Variants in FRMD4B observed in about 807,000 individuals in gnomAD.
FRMD4B encodes the protein FERM domain-containing protein 4B.
A neutral mutation model predicts 141.5 loss-of-function variants in FRMD4B; 74 were observed. That is an observed-to-expected ratio of 0.52 (90% CI 0.43 to 0.63). The LOEUF (loss-of-function observed/expected upper bound fraction) is 0.63. Ranked by LOEUF, FRMD4B falls within the 30% of genes least tolerant of loss-of-function variation. The pLI is 0.00. For synonymous variants in FRMD4B, 506 were observed against 467.9 expected, an observed-to-expected ratio of 1.08 and a Z score of -1.05; for missense variants, 1,366 against 1,253.4, an observed-to-expected ratio of 1.09 and a Z score of -1.36.
At chr3:69,479,808 A>G (rs1287696134) in intron 1 of FRMD4B, among the ~76,000 whole-genome samples, 6 of 152,220 alleles carry the variant, frequency 3.9e-5, no homozygotes, top group East Asian at 3.8e-4. Flanking sequence ...TTGTTTTCCA[A>G]CTTGGTTCCA....
chr3:69,372,089 G>C (rs1703841780), intron 1 of FRMD4B, among the ~76,000 whole-genome samples: 1 of 152,126 alleles, frequency 6.6e-6, no homozygotes, highest in Admixed American at 6.5e-5. Context: ...AACATCCTAA[G>C]GTCTTTCCTG....
intron 1 of FRMD4B, among the ~76,000 whole-genome samples, chr3:69,481,682 C>T (rs771030932): frequency 7.2e-5 from 11 of 152,062 alleles, no homozygotes; most frequent in Admixed American, 1.3e-4. Context: ...GAAAACTTGG[C>T]CATGGCAACT....
chr3:69,366,139 A>C (rs928524337), intron 1 of FRMD4B, among the ~76,000 whole-genome samples: 1 of 151,370 alleles, frequency 6.6e-6, no homozygotes, highest in Non-Finnish European at 1.5e-5. Context: ...ACAGGCTTGT[A>C]ATCCCGGCTA....
Position 69,521,186 on chromosome 3 carries a change from C to A in FRMD4B, c.-129+21020G>T, listed in dbSNP as rs752180130. The stretch of plus-strand genomic sequence containing the variant: ...CAGGGCTGCTGTCCCTCCCACACAG[C>A]AGATGTGCACCCACTATGGGGGTCT... On this transcript the variant is annotated intron_variant, in intron 1 of 5. Transcript: ENST00000459638. Among the ~76,000 whole-genome samples the A allele has an allele frequency of 3.3e-5, 5 of 151,298 alleles. No homozygotes were observed. In the South Asian group the frequency reaches 6.2e-4, roughly 19 times the overall value.
At chr3:69,510,244 A>G (rs1706667645) in intron 1 of FRMD4B, among the ~76,000 whole-genome samples, 1 of 152,162 alleles carries the variant, frequency 6.6e-6, no homozygotes, top group Non-Finnish European at 1.5e-5. Flanking sequence ...CTCAAACTCC[A>G]CAAAAAATTA....
rs531554453 is a variant in FRMD4B, at chr3:69,474,899, C to T, written c.-128-42138G>A. The stretch of plus-strand genomic sequence containing the variant: ...GGGGAAAGAGAGGATGCTAGGAAAG[C>T]CTATAGACAGAGCAATTCATGTGGT... On this transcript the variant is annotated intron_variant, in intron 1 of 5. Transcript: ENST00000459638. Among the ~76,000 whole-genome samples the T allele has an allele frequency of 8.5e-5, 13 of 152,236 alleles. No homozygotes were observed. In the South Asian group the frequency reaches 2.5e-3, roughly 29 times the overall value.
At chr3:69,254,603 C>G (rs2093481874) in intron 5 of FRMD4B, among the ~76,000 whole-genome samples, 1 of 152,140 alleles carries the variant, frequency 6.6e-6, no homozygotes, top group Admixed American at 6.5e-5. Context: ...CTTCATGAGC[C>G]TCCTGATCAT....
At chr3:69,209,143 C>CAAAAAA (rs372843775) in intron 11 of FRMD4B, among the ~76,000 whole-genome samples, 1 of 108,776 alleles carries the variant, frequency 9.2e-6, no homozygotes, top group Non-Finnish European at 2.0e-5. Context: ...GAATCCATCT[C>CAAAAAA]AAAAAAAAAA....
At chr3:69,472,369 C>T (rs984711677) in intron 1 of FRMD4B, 1 of 493,330 alleles carries the variant, frequency 2.0e-6, no homozygotes, top group Non-Finnish European at 4.1e-6. Flanking sequence ...ACATCTTCAA[C>T]ATCTCCACCC....
At chr3:69,421,217 A>C (rs1177348181) in intron 2 of FRMD4B, among the ~76,000 whole-genome samples, 2 of 152,200 alleles carry the variant, frequency 1.3e-5, no homozygotes, top group Admixed American at 1.3e-4. Flanking sequence ...TCTCTGGGAG[A>C]CAGTATACCA....
chr3:69,210,278 T>C (rs2093062610), intron 11 of FRMD4B, among the ~76,000 whole-genome samples: 1 of 152,252 alleles, frequency 6.6e-6, no homozygotes, highest in South Asian at 2.1e-4. Flanking sequence ...GGGGAAGTAT[T>C]TGCCGAAGGG....
chr3:69,300,081 A>G lies in FRMD4B; in HGVS notation c.416+2262T>C, dbSNP rs866893314. Among the ~76,000 whole-genome samples the G allele has an allele frequency of 9.1e-4, 139 of 152,256 alleles. 1 individual carries two copies. Among genetic ancestry groups the G allele is most frequent in the African/African-American group, 3.2e-3 (131 of 41,542 alleles). On this transcript the variant is annotated intron_variant, in intron 4 of 22. Coordinates refer to ENST00000398540, the MANE Select transcript of FRMD4B (RefSeq NM_015123.3). ...TTACCAATAGTTCTGTTTTCTCCAA[A>G]TAGGAGGCTAGAGACCCTCTGAGGA...
At chr3:69,239,251 T>C (rs1220620867) in intron 7 of FRMD4B, among the ~76,000 whole-genome samples, 1 of 152,214 alleles carries the variant, frequency 6.6e-6, no homozygotes, top group African/African-American at 2.4e-5. Flanking sequence ...CTACCAAAGA[T>C]GCATCCTGTA....
chr3:69,408,369 T>C (rs974824294), intron 2 of FRMD4B, among the ~76,000 whole-genome samples: 1 of 152,178 alleles, frequency 6.6e-6, no homozygotes, highest in Non-Finnish European at 1.5e-5. Context: ...CTATCAAGTG[T>C]GGTTCAAGAG....
intron 1 of FRMD4B, among the ~76,000 whole-genome samples, chr3:69,442,761 C>A (rs915880498): frequency 3.1e-4 from 47 of 152,134 alleles, no homozygotes; most frequent in African/African-American, 1.1e-3. Context: ...GCCCTGACAA[C>A]CAGACCTGCT....
chr3:69,200,615 T>A, intron 11 of FRMD4B: 1 of 1,206,100 alleles, frequency 8.3e-7, no homozygotes, highest in African/African-American at 1.6e-5. Flanking sequence ...GACACCTCCC[T>A]AATTCTACTC....
intron 17 of FRMD4B, among the ~76,000 whole-genome samples, chr3:69,191,450 AC>A (rs1405024508): frequency 3.9e-5 from 6 of 152,110 alleles, no homozygotes; most frequent in Admixed American, 6.5e-5. Flanking sequence ...AAACAAAAAA[AC>A]AAACGTATTC....
chr3:69,206,786 T>A (rs963390264), intron 11 of FRMD4B, among the ~76,000 whole-genome samples: 1 of 152,202 alleles, frequency 6.6e-6, no homozygotes, highest in African/African-American at 2.4e-5. Flanking sequence ...TGTGGCTTTT[T>A]CCTTAAATGA....
rs181351559 is a variant in FRMD4B, at chr3:69,396,498, C to G, written c.-1+36136G>C. ...TTAGCCTGGGTGACAGAGTGAGACTCTGTCTCATAAAAAAAAAAAAGAATT... is the reference window on the plus strand; with the variant it reads ...TTAGCCTGGGTGACAGAGTGAGACTGTGTCTCATAAAAAAAAAAAAGAATT... On this transcript the variant is annotated intron_variant, in intron 2 of 5. Transcript: ENST00000459638. Among the ~76,000 whole-genome samples the G allele has an allele frequency of 1.4e-3, 213 of 150,158 alleles. 5 individuals carry two copies. Among genetic ancestry groups the G allele is most frequent in the Admixed American group, 0.014 (213 of 15,204 alleles).
Sources: allele counts gnomAD v4.1 joint callset (sites outside exome capture counted in the v4.1 genomes callset), GRCh38; gene constraint gnomAD v4.1.1; transcripts MANE v1.5; gene names NCBI Gene and HGNC (gene_info 2026-07-23, HGNC 2026-07-21).